The following SPATC1 variants were observed in gnomAD, a reference collection of about 807,000 sequenced individuals.
SPATC1 encodes spermatogenesis and centriole associated 1, also known as speriolin.
SPATC1 carries 35 observed loss-of-function variants against 36.5 expected under a neutral mutation model. The observed-to-expected ratio is 0.96, with a 90% CI of 0.73 to 1.27. The LOEUF is 1.27. Among genes scored for constraint, SPATC1 ranks in the 50% most tolerant of loss-of-function variants. The pLI, the probability that SPATC1 is intolerant of heterozygous loss-of-function variation, is 0.00. For synonymous variants in SPATC1, 361 were observed against 353.6 expected (o/e 1.02, Z -0.24); for missense variants, 779 against 796.0 (o/e 0.98, Z 0.26).
rs782656784 is a variant in SPATC1, at chr8:144,046,848, TGTG to T, written c.1676_1678del (p.Val559del). The T allele has an allele frequency of 6.2e-7, 1 of 1,602,270 alleles. No homozygotes were observed. Among genetic ancestry groups the T allele is most frequent in the South Asian group, 1.1e-5 (1 of 91,076 alleles). On this transcript the variant is annotated inframe_deletion, in exon 5 of 5. Coordinates refer to ENST00000377470, the MANE Select transcript of SPATC1 (RefSeq NM_198572.3). The surrounding 1 kb of genome is among the most constrained non-coding windows in gnomAD (Gnocchi z 6.6). Reference sequence around the variant, plus strand: ...CCTACACCGTGGACTTCCTGCAGCGTGTGGTGGTGGAGACCGTGCACCCCGGCA... The same window carrying T: ...CCTACACCGTGGACTTCCTGCAGCGTGTGGTGGAGACCGTGCACCCCGGCA...
Position 144,046,207 on chromosome 8 carries a change from A to C in SPATC1, c.1447-420A>C, listed in dbSNP as rs1835256674. Reference sequence around the variant, plus strand: ...GACGCTGAAAGGGAGCAGAGCACGGAGCCAGGAGGAGGCCTGGGAAAGACC... The same window carrying C: ...GACGCTGAAAGGGAGCAGAGCACGGCGCCAGGAGGAGGCCTGGGAAAGACC... On this transcript the variant is annotated intron_variant, in intron 4 of 4. Coordinates refer to ENST00000377470, the MANE Select transcript of SPATC1 (RefSeq NM_198572.3). This position sits in a 1 kb window ranked among gnomAD's most constrained non-coding sequence, Gnocchi z 6.6. 6.6e-6 allele frequency among the ~76,000 whole-genome samples: 1 copy of C among 152,060 alleles called. No individual in the cohort carries two copies. Among genetic ancestry groups the C allele is most frequent in the South Asian group, 2.1e-4 (1 of 4,828 alleles).
chr8:144,033,360 TGCACTCTA>T (rs1164717796), intron 1 of SPATC1, among the ~76,000 whole-genome samples: 3 of 151,914 alleles, frequency 2.0e-5, no homozygotes, highest in Admixed American at 2.0e-4. Context: ...ATAGTGCTAT[TGCACTCTA>T]GCCTGGGGCA....
At chr8:144,041,544 A>G (rs1835101062) in intron 4 of SPATC1, among the ~76,000 whole-genome samples, 173 bp downstream of exon 4, 1 of 152,144 alleles carries the variant, frequency 6.6e-6, no homozygotes, top group Non-Finnish European at 1.5e-5. Flanking sequence ...TGGCAGTGGG[A>G]GCCCACGGTC....
At position 144,040,591 on chromosome 8, in the gene SPATC1, CA is replaced by C; in HGVS notation, c.791del (p.Gln264ArgfsTer152). ...TKVPLSTEPPQSTQDPEPLSM... is the reference protein window; with the variant it reads ...TKVPLSTEPPXSTQDPEPLSM... ...AGTCCCACTCTCCACTGAGCCCCCC[CA>C]GTCGACCCAGGACCCAGAGCCTCTC... On this transcript the variant is annotated frameshift_variant, in exon 3 of 5. Coordinates refer to ENST00000377470, the MANE Select transcript of SPATC1 (RefSeq NM_198572.3). LOFTEE classifies it high-confidence loss of function. 1 of 1,599,372 alleles carries C rather than the reference CA, an allele frequency of 6.3e-7. No homozygotes were observed.
chr8:144,012,719 G>T lies in SPATC1; in HGVS notation c.204G>T (p.Gln68His), dbSNP rs781964487. Residue 68 changes from glutamine (Q) to histidine (H), a missense_variant, in exon 1 of 5, where the codon CAG (glutamine) becomes CAT (histidine). Gln to His is a conservative substitution (Grantham distance 24). Transcript: ENST00000377470. ...CAACAGCAGGCCTTTCCTCACGCCA[G>T]AACAATGGTAAGAGGCCTCGCTCCC... is the stretch of plus-strand genomic sequence containing the variant. ...GEATAGLSSR[Q>H]NNGVFLPPSP... is the part of the protein sequence containing the mutation. The T allele has an allele frequency of 6.4e-7, 1 of 1,551,680 alleles. No homozygotes were observed. Among genetic ancestry groups the T allele is most frequent in the Non-Finnish European group, 8.7e-7 (1 of 1,146,974 alleles).
intron 4 of SPATC1, among the ~76,000 whole-genome samples, chr8:144,042,261 G>A (rs1324643759): frequency 1.2e-4 from 16 of 128,490 alleles, no homozygotes; most frequent in Non-Finnish European, 1.7e-4. Flanking sequence ...TGGGACCACA[G>A]GTTTACGCCA....
chr8:144,041,412 G>T lies in SPATC1; in HGVS notation c.1446+41G>T. ...TCCTGCAGGGACAGGGGGCAGGTTG[G>T]CCCATGAGGGGCCGTGGGGACCCTG... On this transcript the variant is annotated intron_variant, in intron 4 of 4. Transcript: ENST00000377470. The T allele has an allele frequency of 1.9e-6, 3 of 1,594,718 alleles. No homozygotes were observed. The East Asian group carries it at 6.7e-5, about 36-fold the overall frequency.
rs532267447 is a variant in SPATC1 at position 144,045,244 on chromosome 8, G to A, written c.1447-1383G>A. Among the ~76,000 whole-genome samples the A allele has an allele frequency of 1.3e-5, 2 of 152,178 alleles. No homozygotes were observed. Among genetic ancestry groups the A allele is most frequent in the African/African-American group, 2.4e-5 (1 of 41,430 alleles). On this transcript the variant is annotated intron_variant, in intron 4 of 4. Coordinates refer to ENST00000377470, the MANE Select transcript of SPATC1 (RefSeq NM_198572.3). This position sits in a 1 kb window ranked among gnomAD's most constrained non-coding sequence, Gnocchi z 5.2. ...CCCCCCACAACTGTGCATATTACTC[G>A]TTTGCCTAGAAGGCTCAGGAGCCAA... is the stretch of plus-strand genomic sequence containing the variant.
In SPATC1 at chr8:144,012,408, C is replaced by G. The variant is rs1046825785; in HGVS notation, c.-108C>G. The G allele has an allele frequency of 2.1e-6, 2 of 950,298 alleles. No individual in the cohort carries two copies. The highest frequency in any genetic ancestry group is 3.2e-6 in the Non-Finnish European group (2 of 620,958). The allele number at this position is 950,298 out of a possible 1,614,324, so 58.9% of individuals were successfully genotyped here. On this transcript the variant is annotated 5_prime_UTR_variant, in exon 1 of 5. Transcript: ENST00000377470. ...CAATACCCAGGGCCCACTGGGCCAG[C>G]CTTGCAGACTCTGCACCCTCCTTCA... is the stretch of plus-strand genomic sequence containing the variant.
intron 1 of SPATC1, among the ~76,000 whole-genome samples, chr8:144,023,933 A>C (rs1834610596): frequency 7.9e-6 from 1 of 126,310 alleles, no homozygotes; most frequent in African/African-American, 3.1e-5. Context: ...TTCCCTAAAA[A>C]CCTTCCCCCC....
intron 1 of SPATC1, among the ~76,000 whole-genome samples, chr8:144,037,621 G>A (rs1834938481): frequency 6.6e-6 from 1 of 151,950 alleles, no homozygotes; most frequent in Non-Finnish European, 1.5e-5. Context: ...TGCTCGTTAA[G>A]AGTCATCACC....
intron 1 of SPATC1, among the ~76,000 whole-genome samples, chr8:144,036,604 AC>A (rs2133134972): frequency 6.6e-6 from 1 of 152,240 alleles, no homozygotes; most frequent in East Asian, 1.9e-4. Context: ...GATTACAGGC[AC>A]GAACCACCAC....
intron 1 of SPATC1, 56 bp downstream of exon 1, chr8:144,012,782 G>A (rs1224216282): frequency 3.3e-6 from 5 of 1,533,882 alleles, no homozygotes; most frequent in African/African-American, 1.4e-5. Context: ...GCACCAGAGA[G>A]GAGAGACTCA....
chr8:144,042,466 T>C (rs111913306), intron 4 of SPATC1, among the ~76,000 whole-genome samples: 2,330 of 150,744 alleles, frequency 0.015, 65 homozygotes, highest in African/African-American at 0.053. Flanking sequence ...ATTACAGGCA[T>C]GAACCACCAT....
chr8:144,020,811 C>T (rs1451075448), intron 1 of SPATC1, among the ~76,000 whole-genome samples: 20 of 150,838 alleles, frequency 1.3e-4, no homozygotes, highest in Admixed American at 9.9e-4. Context: ...ACCCTCTCCC[C>T]TCAGAACTCT....
At position 144,041,333 on chromosome 8, in the gene SPATC1, G is replaced by A. The variant is rs142206277; in HGVS notation, c.1408G>A (p.Gly470Ser). The change falls in exon 4 of 5, where the codon GGC becomes AGC. Residue 470 changes from glycine to serine, a missense_variant. Coordinates refer to ENST00000377470, the MANE Select transcript of SPATC1 (RefSeq NM_198572.3). ...CTTCCCAGAGCGCGTACGGCTCTAC[G>A]GCTTCACTGTCTCCAACATCCCAGA... ...SIFPERVRLY[G>S]FTVSNIPEKI... The A allele has an allele frequency of 1.7e-5, 28 of 1,612,100 alleles. No homozygotes were observed. Among genetic ancestry groups the A allele is most frequent in the African/African-American group, 1.1e-4 (8 of 74,936 alleles).
chr8:144,023,336 T>TCCTCTCCCCTCAGGAC (rs1834591035), intron 1 of SPATC1, among the ~76,000 whole-genome samples: 1 of 2,390 alleles, frequency 4.2e-4, no homozygotes. Flanking sequence ...CCCCTCAGGA[T>TCCTCTCCCCTCAGGAC]CCTCTCCCCT....
At position 144,038,021 on chromosome 8, in the gene SPATC1, C is replaced by A. The variant is rs188287203; in HGVS notation, c.212-1888C>A. Among the ~76,000 whole-genome samples the A allele has an allele frequency of 2.8e-4, 42 of 150,594 alleles. 1 individual carries two copies. Among genetic ancestry groups the A allele is most frequent in the African/African-American group, 8.3e-4 (34 of 40,748 alleles). On this transcript the variant is annotated intron_variant, in intron 1 of 4. Coordinates refer to ENST00000377470, the MANE Select transcript of SPATC1 (RefSeq NM_198572.3). Reference sequence around the variant, plus strand: ...GCGGGCGCCTGTAATCCCAGCTACGCGAGGCTGAGGCAGGAGAATGGCGTG... The same window carrying A: ...GCGGGCGCCTGTAATCCCAGCTACGAGAGGCTGAGGCAGGAGAATGGCGTG...
At chr8:144,042,413 G>A (rs1452734387) in intron 4 of SPATC1, among the ~76,000 whole-genome samples, 3 of 143,454 alleles carry the variant, frequency 2.1e-5, no homozygotes, top group East Asian at 2.1e-4. Flanking sequence ...TCTGCCTCCT[G>A]GGTTCAAGCA....
Sources: gnomAD v4.1 joint callset for allele counts (sites outside exome capture counted in the v4.1 genomes callset) on GRCh38, gnomAD v4.1.1 for gene constraint, Gnocchi (gnomAD v3.1) non-coding constraint, MANE v1.5 for transcripts, NCBI Gene and HGNC (gene_info 2026-07-23, HGNC 2026-07-21) for gene names.